Variants in DCT observed in about 807,000 individuals in gnomAD.
DCT encodes dopachrome tautomerase.
A neutral mutation model predicts 53.0 loss-of-function variants in DCT; 47 were observed. That is an observed-to-expected ratio of 0.89 (90% CI 0.70 to 1.13). DCT has a LOEUF of 1.13. DCT is among the 50% of genes most tolerant of loss of function. DCT has a pLI of 0.00. For synonymous variants in DCT, 244 were observed against 237.0 expected (o/e 1.03, Z -0.27); for missense variants, 669 against 637.4 (o/e 1.05, Z -0.53).
the DCT span, among the ~76,000 whole-genome samples, chr13:94,515,371 G>A: frequency 6.6e-6 from 1 of 152,200 alleles, no homozygotes; most frequent in Non-Finnish European, 1.5e-5. Flanking sequence ...GGAATGAAGA[G>A]GATGGGATAG....
chr13:94,447,165 T>A (rs1803369192), intron 6 of DCT, among the ~76,000 whole-genome samples: 1 of 152,076 alleles, frequency 6.6e-6, no homozygotes, highest in African/African-American at 2.4e-5. Flanking sequence ...AAAGTGAGAG[T>A]TCCTAATCCA....
the DCT span, among the ~76,000 whole-genome samples, chr13:94,493,090 A>G: frequency 1.3e-5 from 2 of 152,202 alleles, no homozygotes; most frequent in African/African-American, 4.8e-5. Flanking sequence ...GCTCAAGACA[A>G]GAGAGACTCT....
the DCT span, among the ~76,000 whole-genome samples, chr13:94,493,373 A>G: frequency 6.6e-6 from 1 of 152,342 alleles, no homozygotes; most frequent in African/African-American, 2.4e-5. Flanking sequence ...ATCTTAAGTG[A>G]CAGAAAGCAG....
the DCT span, among the ~76,000 whole-genome samples, chr13:94,495,425 A>G: frequency 5.3e-5 from 8 of 152,106 alleles, no homozygotes; most frequent in Non-Finnish European, 1.0e-4. Context: ...TGCTTTTGTT[A>G]TATGTTCCCA....
chr13:94,470,407 T>C (rs1884565368), intron 1 of DCT, among the ~76,000 whole-genome samples: 1 of 152,200 alleles, frequency 6.6e-6, no homozygotes, highest in South Asian at 2.1e-4. Context: ...ATCTAAAGTT[T>C]ACATCCTTGT....
At chr13:94,443,411 C>T (rs1158007671) in intron 7 of DCT, 25 bp downstream of exon 7, 1 of 1,546,548 alleles carries the variant, frequency 6.5e-7, no homozygotes, top group Admixed American at 1.7e-5. Context: ...GAATGAATCA[C>T]CCATTTGGAA....
intron 6 of DCT, among the ~76,000 whole-genome samples, chr13:94,453,760 T>G (rs189233416): frequency 6.6e-6 from 1 of 152,338 alleles, no homozygotes; most frequent in Non-Finnish European, 1.5e-5. Context: ...ACAAGTTCTC[T>G]CTTGGCTGCC....
chr13:94,516,270 C>T, the DCT span, among the ~76,000 whole-genome samples: 3 of 152,108 alleles, frequency 2.0e-5, no homozygotes, highest in African/African-American at 7.2e-5. Flanking sequence ...GGGAGGAAAA[C>T]TTCTGGAAGA....
Position 94,479,112 on chromosome 13 carries a change from C to T in DCT, c.144G>A (p.Ser48=), listed in dbSNP as rs778096555. 4.1e-5 allele frequency: 66 copies of T among 1,614,066 alleles called. No homozygotes were observed. The highest frequency in any genetic ancestry group is 5.3e-5 in the Non-Finnish European group (62 of 1,180,050). The change falls in exon 1 of 8, where the codon TCG becomes TCA. Residue 48 remains serine, a synonymous_variant. Coordinates refer to ENST00000377028, the MANE Select transcript of DCT (RefSeq NM_001922.5). ...KECCPRLGAE[S]ANVCGSQQGR... ...CTTGCTGAGAGCCACAGACATTGGC[C>T]GACTCTGCACCCAGGCGTGGGCAGC...
chr13:94,538,375 CA>C, the DCT span, among the ~76,000 whole-genome samples: 2 of 152,162 alleles, frequency 1.3e-5, no homozygotes, highest in Admixed American at 1.3e-4. Flanking sequence ...ATTACACAGG[CA>C]GGGGGTGAGC....
chr13:94,458,984 C>T (rs898643320), intron 6 of DCT, among the ~76,000 whole-genome samples: 4 of 152,000 alleles, frequency 2.6e-5, no homozygotes, highest in Non-Finnish European at 4.4e-5. Context: ...TCAAGTGATC[C>T]TCCCACCACA....
the DCT span, among the ~76,000 whole-genome samples, chr13:94,507,090 A>T: frequency 6.6e-6 from 1 of 152,170 alleles, no homozygotes; most frequent in South Asian, 2.1e-4. Flanking sequence ...GACCAAGGAG[A>T]ATATGGAGAC....
At chr13:94,490,521 A>AAAAAAC in the DCT span, among the ~76,000 whole-genome samples, 2 of 147,496 alleles carry the variant, frequency 1.4e-5, no homozygotes, top group Non-Finnish European at 1.5e-5. Context: ...AAAAAAAAAA[A>AAAAAAC]AAAAAAAAAA....
chr13:94,504,879 T>A, the DCT span, among the ~76,000 whole-genome samples: 2 of 152,158 alleles, frequency 1.3e-5, no homozygotes, highest in Admixed American at 6.5e-5. Flanking sequence ...TTTCTTTGTA[T>A]CCAAGGCACC....
At chr13:94,445,693 G>A (rs1882672365) in intron 6 of DCT, 6 of 1,525,018 alleles carry the variant, frequency 3.9e-6, no homozygotes, top group Non-Finnish European at 5.4e-6. Flanking sequence ...AAAAACCTGA[G>A]TAGAGCCTCC....
At chr13:94,488,820 C>T in the DCT span, among the ~76,000 whole-genome samples, 2 of 138,488 alleles carry the variant, frequency 1.4e-5, no homozygotes, top group South Asian at 5.1e-4. Context: ...CATACACACA[C>T]CATATATATA....
At chr13:94,541,571 T>C in the DCT span, among the ~76,000 whole-genome samples, 1 of 152,172 alleles carries the variant, frequency 6.6e-6, no homozygotes, top group African/African-American at 2.4e-5. Flanking sequence ...TTAACAATAA[T>C]TTATTGCATA....
the DCT span, among the ~76,000 whole-genome samples, chr13:94,497,876 A>G: frequency 0.51 from 77,825 of 151,498 alleles, 20,043 homozygotes; most frequent in Middle Eastern, 0.61. Context: ...GGTCACCTAT[A>G]TGTGTGTGTG....
At chr13:94,472,556 ATATATATATATATTTTTTTTTTTTTTTTT>A (rs1884785433) in intron 1 of DCT, among the ~76,000 whole-genome samples, 10 of 22,812 alleles carry the variant, frequency 4.4e-4, no homozygotes, top group Admixed American at 3.7e-3. Context: ...ATATATATAT[ATATATATATATATTTTTTTTTTTTTTTTT>A]TTTTTTTTTT....
Sources: gnomAD v4.1 joint callset for allele counts (sites outside exome capture counted in the v4.1 genomes callset) on GRCh38, gnomAD v4.1.1 for gene constraint, MANE v1.5 for transcripts, NCBI Gene and HGNC (gene_info 2026-07-23, HGNC 2026-07-21) for gene names.